CCSER2: variants seen among roughly 807,000 people sequenced by gnomAD.
CCSER2 encodes the protein serine-rich coiled-coil domain-containing protein 2.
Under a neutral mutation model 92.3 loss-of-function variants are expected in CCSER2, and 46 were observed. That is an observed-to-expected ratio of 0.50 (90% CI 0.39 to 0.64). The LOEUF is 0.64. CCSER2 is among the 30% of genes least tolerant of loss of function. The pLI is 0.00. For synonymous variants in CCSER2, 433 were observed against 431.4 expected (o/e 1.00, Z -0.04); for missense variants, 1,244 against 1,238.9 (o/e 1.00, Z -0.06).
intron 7 of CCSER2, among the ~76,000 whole-genome samples, chr10:84,464,924 G>T (rs1846303738): frequency 6.6e-6 from 1 of 152,184 alleles, no homozygotes; most frequent in Non-Finnish European, 1.5e-5. Context: ...GTTGCAGAGT[G>T]ATTTATTGGG....
rs535889294 is a variant in CCSER2 at position 84,440,501 on chromosome 10, GA to G, written c.2064+1801del. ...TTCATACACTATTCGAAGGCTTAATGAAAAAAACAGTATGTCTGGCCCCCTC... is the reference window on the plus strand; with the variant it reads ...TTCATACACTATTCGAAGGCTTAATGAAAAAACAGTATGTCTGGCCCCCTC... On this transcript the variant is annotated intron_variant, in intron 6 of 9. Coordinates refer to ENST00000372088, the MANE Select transcript of CCSER2 (RefSeq NM_001284240.2). Among the ~76,000 whole-genome samples, 183 of 152,124 alleles carry G rather than the reference GA, an allele frequency of 1.2e-3. 1 individual carries two copies. The highest frequency in any genetic ancestry group is 4.2e-3 in the African/African-American group (175 of 41,490).
At position 84,466,312 on chromosome 10, in the gene CCSER2, C is replaced by G. The variant is rs1368932468; in HGVS notation, c.2148+2296C>G. On this transcript the variant is annotated intron_variant, in intron 7 of 9. Transcript: ENST00000372088. ...GATCTAAAGTCTCCATTGGACCTAC[C>G]ATGCCTCTAATCTATCCTTTTATTT... Among the ~76,000 whole-genome samples the G allele has an allele frequency of 3.3e-5, 5 of 152,072 alleles. No individual in the cohort carries two copies. The South Asian group carries it at 8.3e-4, about 25-fold the overall frequency.
chr10:84,340,613 A>G (rs989716801), intron 1 of CCSER2, among the ~76,000 whole-genome samples: 2 of 151,688 alleles, frequency 1.3e-5, no homozygotes, highest in Non-Finnish European at 2.9e-5. Flanking sequence ...TTTTTGTCTG[A>G]ATTTTTTTCC....
At chr10:84,494,363 G>A (rs1233625418) in intron 9 of CCSER2, among the ~76,000 whole-genome samples, 1 of 152,144 alleles carries the variant, frequency 6.6e-6, no homozygotes, top group Non-Finnish European at 1.5e-5. Context: ...TGGTTGTGGT[G>A]GGTTTTGGCC....
intron 1 of CCSER2, among the ~76,000 whole-genome samples, chr10:84,334,172 A>G (rs560841137): frequency 2.0e-5 from 3 of 152,282 alleles, no homozygotes; most frequent in East Asian, 3.9e-4. Context: ...TCAGGCTACA[A>G]ACAGTTGTGG....
chr10:84,391,750 G>T, intron 3 of CCSER2: 2 of 1,513,488 alleles, frequency 1.3e-6, no homozygotes, highest in South Asian at 1.1e-5. Context: ...TGCTACAGCA[G>T]TATGAAGACC....
intron 3 of CCSER2, among the ~76,000 whole-genome samples, chr10:84,404,262 C>T (rs1440893369): frequency 2.6e-5 from 4 of 152,120 alleles, no homozygotes; most frequent in Non-Finnish European, 5.9e-5. Flanking sequence ...TATGCCAACC[C>T]CTTCGAAACA....
In CCSER2 at chr10:84,373,762, A is replaced by T. The variant is rs928335182; in HGVS notation, c.1561A>T (p.Ile521Phe). ...YMWDEEGLEP[I>F]GNVHPVGSYE... ...GTGGGATGAAGAAGGCTTGGAACCC[A>T]TTGGAAATGTCCATCCAGTTGGGAG... The change falls in exon 3 of 10, where the codon ATT (isoleucine) becomes TTT (phenylalanine). Residue 521 changes from isoleucine (I) to phenylalanine (F), a missense_variant. By Grantham distance (21) the Ile-to-Phe change is conservative. Transcript: ENST00000372088. 3.1e-6 allele frequency: 5 copies of T among 1,613,688 alleles called. No homozygotes were observed. In the African/African-American group the frequency reaches 6.7e-5, roughly 22 times the overall value.
intron 9 of CCSER2, among the ~76,000 whole-genome samples, chr10:84,496,050 A>G (rs1848432358): frequency 6.7e-6 from 1 of 150,174 alleles, no homozygotes; most frequent in African/African-American, 2.4e-5. Context: ...TAGTGTTTTG[A>G]GTTTATGTCT....
In CCSER2 at chr10:84,513,501, A is replaced by C; in HGVS notation, c.2378A>C (p.Gln793Pro). The C allele has an allele frequency of 6.2e-7, 1 of 1,614,118 alleles. No homozygotes were observed. Among genetic ancestry groups the C allele is most frequent in the South Asian group, 1.1e-5 (1 of 91,068 alleles). Residue 793 changes from glutamine (Q) to proline (P), a missense_variant, in exon 10 of 10, where the codon CAG becomes CCG. Transcript: ENST00000372088. ...CTTCCCAGACCCACAGATCACACCCAGGGAAAACTAATAAAGCCACAACGT... is the reference window on the plus strand; with the variant it reads ...CTTCCCAGACCCACAGATCACACCCCGGGAAAACTAATAAAGCCACAACGT... ...SSLPRPTDHT[Q>P]GKLIKPQRIE...
intron 6 of CCSER2, among the ~76,000 whole-genome samples, chr10:84,457,405 AT>A (rs1409660482): frequency 3.6e-3 from 280 of 77,228 alleles, no homozygotes; most frequent in African/African-American, 0.012. Flanking sequence ...TTAAATATAT[AT>A]TTTAAAAAAT....
intron 1 of CCSER2, among the ~76,000 whole-genome samples, chr10:84,341,205 A>G (rs1844162108): frequency 6.6e-6 from 1 of 151,454 alleles, no homozygotes; most frequent in Non-Finnish European, 1.5e-5. Context: ...CTAATTTTTA[A>G]ACATTTTTAT....
At chr10:84,357,518 C>T (rs1383066113) in intron 1 of CCSER2, among the ~76,000 whole-genome samples, 3 of 144,868 alleles carry the variant, frequency 2.1e-5, no homozygotes, top group Admixed American at 7.0e-5. Context: ...GGTGTGATCT[C>T]GGCTCACTGC....
rs1401816899 is a variant in CCSER2 at position 84,516,104 on chromosome 10, A to C, written c.*1837A>C. ...TTCTAGAGATTCCTTTAAAAGATGT[A>C]TGTTGATGAAATTGCCCCTTTATAA... On this transcript the variant is annotated 3_prime_UTR_variant, in exon 10 of 10. Coordinates refer to ENST00000372088, the MANE Select transcript of CCSER2 (RefSeq NM_001284240.2). 1 of 152,240 alleles carries C rather than the reference A, an allele frequency of 6.6e-6. No individual in the cohort carries two copies. The highest frequency in any genetic ancestry group is 2.4e-5 in the African/African-American group (1 of 41,464). The allele number at this position is 152,240 out of a possible 1,614,324, so 9.4% of individuals were successfully genotyped here. A position where few individuals can be genotyped will look rare whatever the true frequency, so the allele number is the denominator to read the frequency against.
At chr10:84,466,269 G>C (rs546359008) in intron 7 of CCSER2, among the ~76,000 whole-genome samples, 2 of 152,020 alleles carry the variant, frequency 1.3e-5, no homozygotes, top group African/African-American at 4.8e-5. Flanking sequence ...ACTGCATCTC[G>C]TGCCATTAAA....
intron 1 of CCSER2, among the ~76,000 whole-genome samples, chr10:84,367,269 T>C (rs1248307984): frequency 6.6e-6 from 1 of 152,206 alleles, no homozygotes; most frequent in Non-Finnish European, 1.5e-5. Flanking sequence ...CTGCCTTTTC[T>C]CTTCCATTTA....
chr10:84,493,004 C>A (rs1848255897), intron 9 of CCSER2, among the ~76,000 whole-genome samples: 1 of 152,114 alleles, frequency 6.6e-6, no homozygotes, highest in Admixed American at 6.5e-5. Context: ...TTCTTCTCGT[C>A]TGCTTTATGG....
At chr10:84,333,367 C>T (rs556212293) in intron 1 of CCSER2, among the ~76,000 whole-genome samples, 49 of 152,078 alleles carry the variant, frequency 3.2e-4, no homozygotes, top group African/African-American at 1.1e-3. Flanking sequence ...TTCACAGCAA[C>T]CCTAGGAGGT....
At chr10:84,439,310 T>G (rs939512027) in intron 6 of CCSER2, among the ~76,000 whole-genome samples, 1 of 152,146 alleles carries the variant, frequency 6.6e-6, no homozygotes, top group African/African-American at 2.4e-5. Context: ...TTACTTTGTT[T>G]TAGCACTTAC....
Sources: allele counts gnomAD v4.1 joint callset (sites outside exome capture counted in the v4.1 genomes callset), GRCh38; gene constraint gnomAD v4.1.1; transcripts MANE v1.5; gene names NCBI Gene and HGNC (gene_info 2026-07-23, HGNC 2026-07-21).